PGM3: variants seen among roughly 807,000 people sequenced by gnomAD.
PGM3 encodes the protein phosphoglucomutase 3.
In PGM3, 40 loss-of-function variants were observed where a neutral mutation model predicts 66.2. The ratio of observed to expected loss-of-function variants is 0.60; its 90% CI spans 0.47 to 0.79. PGM3 has a LOEUF of 0.79. Ranked by LOEUF, PGM3 falls within the 30% of genes least tolerant of loss-of-function variation. The pLI is 0.00. For missense variants in PGM3, 537 were observed against 643.4 expected, an observed-to-expected ratio of 0.83 and a Z score of 1.79; for synonymous variants, 191 against 224.2, an observed-to-expected ratio of 0.85 and a Z score of 1.32.
chr6:83,177,929 C>G (rs553180996), intron 8 of PGM3, among the ~76,000 whole-genome samples: 3 of 152,264 alleles, frequency 2.0e-5, no homozygotes, highest in East Asian at 3.9e-4. Context: ...GACCACCCCC[C>G]ACACACCCTG....
intron 4 of PGM3, among the ~76,000 whole-genome samples, chr6:83,183,499 A>G (rs1788345866): frequency 6.6e-6 from 1 of 152,212 alleles, no homozygotes; most frequent in South Asian, 2.1e-4. Context: ...TGCAGAACCC[A>G]GTAGAAGACC....
In PGM3 at chr6:83,188,649, T is replaced by C. The variant is rs1186785104; in HGVS notation, c.354A>G (p.Gln118=). 6.2e-7 allele frequency: 1 copy of C among 1,613,960 alleles called. No individual in the cohort carries two copies. Among genetic ancestry groups the C allele is most frequent in the Non-Finnish European group, 8.5e-7 (1 of 1,179,948 alleles). ...TACCAATAACTACAAAGGCATCTTG[T>C]TGCAGATTCACAGCTTCTTTCTCGC... ...DISEKEAVNL[Q]QDAFVVIGRD... Residue 118 remains glutamine (Q), a synonymous_variant, in exon 3 of 13, where the codon CAA becomes CAG. Transcript: ENST00000513973.
At chr6:83,175,881 C>A in intron 9 of PGM3, 81 bp downstream of exon 9, 1 of 732,762 alleles carries the variant, frequency 1.4e-6, no homozygotes. Flanking sequence ...TACAATATTA[C>A]CTATTATTAC....
intron 1 of PGM3, among the ~76,000 whole-genome samples, chr6:83,192,651 A>T (rs1789222368): frequency 6.6e-6 from 1 of 152,024 alleles, no homozygotes; most frequent in Non-Finnish European, 1.5e-5. Flanking sequence ...GTTATGTGTC[A>T]TGATTATTCA....
downstream of PGM3, chr6:83,157,452 A>G (rs1783038763): frequency 1.1e-6 from 1 of 940,158 alleles, no homozygotes; most frequent in East Asian, 2.5e-5. Flanking sequence ...GATGCTTTTT[A>G]CAGTTGAAAA....
chr6:83,168,329 G>A lies in PGM3; in HGVS notation c.*905C>T. On this transcript the variant is annotated 3_prime_UTR_variant, in exon 13 of 13. Transcript: ENST00000513973. ...ATATAAGAGCAAATGTCTGAATGTG[G>A]CCTGAATCAAGTTTAAATATTGTTG... The A allele has an allele frequency of 7.1e-7, 1 of 1,416,980 alleles. No individual in the cohort carries two copies. The allele number at this position is 1,416,980 out of a possible 1,614,324, so 87.8% of individuals were successfully genotyped here.
the PGM3 span, chr6:83,153,754 TCATA>T: frequency 8.6e-7 from 1 of 1,169,432 alleles, no homozygotes; most frequent in Non-Finnish European, 1.2e-6. Context: ...TTAAAAAAAT[TCATA>T]TATTATTTTT....
At chr6:83,183,935 C>T (rs1186032267) in intron 4 of PGM3, among the ~76,000 whole-genome samples, 2 of 151,906 alleles carry the variant, frequency 1.3e-5, no homozygotes, top group African/African-American at 4.8e-5. Flanking sequence ...AGACTGGTCT[C>T]AAACTCCTGA....
chr6:83,188,570 C>A (rs367896648), intron 3 of PGM3, 44 bp downstream of exon 3: 2 of 1,442,470 alleles, frequency 1.4e-6, no homozygotes, highest in Non-Finnish European at 1.9e-6. Context: ...GTTTATATCA[C>A]GTTCCCAAAG....
At chr6:83,158,813 T>C (rs45502996), downstream of PGM3, among the ~76,000 whole-genome samples, 487 of 152,326 alleles carry the variant, frequency 3.2e-3, no homozygotes, top group Non-Finnish European at 4.1e-3. Flanking sequence ...GCCATCAGCA[T>C]TCATTGCCCT....
chr6:83,148,932 A>T, the PGM3 span: 1 of 916,326 alleles, frequency 1.1e-6, no homozygotes, highest in Non-Finnish European at 1.6e-6. Context: ...GCCAAGTATT[A>T]GTAATAGATA....
intron 12 of PGM3, chr6:83,169,678 C>T: frequency 2.2e-6 from 1 of 463,794 alleles, no homozygotes; most frequent in Non-Finnish European, 4.3e-6. Context: ...CATGGATATT[C>T]ATTAGACTCT....
chr6:83,168,909 T>C lies in PGM3; in HGVS notation c.*325A>G. 11 of 1,072,840 alleles carry C rather than the reference T, an allele frequency of 1.0e-5. No individual in the cohort carries two copies. The highest frequency in any genetic ancestry group is 3.4e-5 in the South Asian group (1 of 29,368). The allele number at this position is 1,072,840 out of a possible 1,614,324, so 66.5% of individuals were successfully genotyped here. On this transcript the variant is annotated 3_prime_UTR_variant, in exon 13 of 13. Coordinates refer to ENST00000513973, the MANE Select transcript of PGM3 (RefSeq NM_015599.3). ...GTGATGGCAAAGATATCACAAGGAGTTGGTAATAAGATTTAATTTTCCAGT... is the reference window on the plus strand; with the variant it reads ...GTGATGGCAAAGATATCACAAGGAGCTGGTAATAAGATTTAATTTTCCAGT...
intron 10 of PGM3, among the ~76,000 whole-genome samples, chr6:83,173,506 T>C (rs1257854172): frequency 1.3e-5 from 2 of 151,964 alleles, no homozygotes; most frequent in African/African-American, 4.9e-5. Flanking sequence ...GTATAAGATA[T>C]AACTGAAGAT....
Position 83,190,814 on chromosome 6 carries a change from G to C in PGM3, c.199C>G (p.Pro67Ala). 7 of 1,612,758 alleles carry C rather than the reference G, an allele frequency of 4.3e-6. No homozygotes were observed. The highest frequency in any genetic ancestry group is 5.9e-6 in the Non-Finnish European group (7 of 1,178,790). ...CAGGGCACTAAACCCATTACCTCAG[G>C]ATTGTGGGACGCTGTTACCATGACT... ...IGVMVTASHN[P>A]EEDNGVKLVD... Residue 67 changes from proline to alanine, a missense_variant, in exon 2 of 13, where the codon CCT (proline) becomes GCT (alanine). Coordinates refer to ENST00000513973, the MANE Select transcript of PGM3 (RefSeq NM_015599.3).
In PGM3 at chr6:83,174,442, C is replaced by G. The variant is rs149679266; in HGVS notation, c.1174G>C (p.Glu392Gln). The G allele has an allele frequency of 2.2e-4, 351 of 1,607,048 alleles. No homozygotes were observed. In the African/African-American group the frequency reaches 4.0e-3, roughly 18 times the overall value. Reference protein sequence around the residue: ...AVEMKIKQSAEQLEDKKRKAA... With the variant: ...AVEMKIKQSAQQLEDKKRKAA... ...TTTCTTTTCTTATCTTCCAGTTGTT[C>G]TGCTGATTGTTTTATCTTCATTTCA... The change falls in exon 10 of 13, where the codon GAA (glutamate) becomes CAA (glutamine). Residue 392 changes from glutamate to glutamine, a missense_variant. Transcript: ENST00000513973.
intron 11 of PGM3, chr6:83,171,371 TTTA>T (rs780638050): frequency 1.3e-5 from 2 of 152,248 alleles, no homozygotes; most frequent in Non-Finnish European, 2.9e-5. Flanking sequence ...ATTCATATTA[TTTA>T]TTATATCATA....
At chr6:83,148,756 C>A in the PGM3 span, 4 of 1,538,678 alleles carry the variant, frequency 2.6e-6, no homozygotes, top group Non-Finnish European at 3.5e-6. Flanking sequence ...TATTATCTTG[C>A]AGAATTCCAG....
chr6:83,162,863 C>G (rs759331400), downstream of PGM3: 4 of 1,613,412 alleles, frequency 2.5e-6, no homozygotes, highest in Non-Finnish European at 3.4e-6. Flanking sequence ...TATACATCAA[C>G]GAGAATTTAA....
Sources: gnomAD v4.1 joint callset for allele counts (sites outside exome capture counted in the v4.1 genomes callset) on GRCh38, gnomAD v4.1.1 for gene constraint, MANE v1.5 for transcripts, NCBI Gene and HGNC (gene_info 2026-07-23, HGNC 2026-07-21) for gene names.